GBE1: variants seen among roughly 807,000 people sequenced by gnomAD.
GBE1 encodes 1,4-alpha-glucan-branching enzyme.
In GBE1, 70 loss-of-function variants were observed where a neutral mutation model predicts 88.8. The ratio of observed to expected loss-of-function variants is 0.79; its 90% confidence interval spans 0.65 to 0.96. The LOEUF (loss-of-function observed/expected upper bound fraction) is 0.96. Ranked by LOEUF, GBE1 falls within the 40% of genes least tolerant of loss-of-function variation. The probability of loss-of-function intolerance (pLI) is 0.00; values close to 1 mark genes in which losing one functional copy is unlikely to be tolerated. For synonymous variants in GBE1, 284 were observed against 300.1 expected (o/e 0.95, Z 0.56); for missense variants, 872 against 871.0 (o/e 1.00, Z -0.01).
At chr3:81,710,495 T>G (rs979305039) in intron 1 of GBE1, among the ~76,000 whole-genome samples, 10 of 152,048 alleles carry the variant, frequency 6.6e-5, no homozygotes, top group Admixed American at 1.3e-4. Context: ...GTAGCTGATA[T>G]TAGCTTTATT....
intron 3 of GBE1, among the ~76,000 whole-genome samples, chr3:81,664,488 A>G (rs1705082591): frequency 6.6e-6 from 1 of 151,834 alleles, no homozygotes; most frequent in Non-Finnish European, 1.5e-5. Context: ...CAAATAGTAC[A>G]GATATGTCCA....
At chr3:81,720,102 T>C (rs887591033) in intron 1 of GBE1, among the ~76,000 whole-genome samples, 10 of 151,992 alleles carry the variant, frequency 6.6e-5, no homozygotes, top group Non-Finnish European at 1.3e-4. Context: ...ATATCAAAGA[T>C]CTATCAAACA....
In GBE1 at chr3:81,750,601, GTGTATA is replaced by G. The variant is rs1559708624; in HGVS notation, c.143+10768_143+10773del. ...CGTATATATATACGTATATATATAT[GTGTATA>G]TATATATATGTATATATATATACGT... On this transcript the variant is annotated intron_variant, in intron 1 of 15. Transcript: ENST00000429644. Among the ~76,000 whole-genome samples, 40 of 35,794 alleles carry G rather than the reference GTGTATA, an allele frequency of 1.1e-3. 3 individuals carry two copies. Among genetic ancestry groups the G allele is most frequent in the Admixed American group, 1.9e-3 (5 of 2,688 alleles). 23.5% of individuals were successfully genotyped at this position (35,794 alleles called of 152,430 possible).
At chr3:81,531,688 G>A (rs1423608951) in intron 14 of GBE1, among the ~76,000 whole-genome samples, 1 of 152,002 alleles carries the variant, frequency 6.6e-6, no homozygotes, top group East Asian at 2.0e-4. Flanking sequence ...CTGTGGCTGA[G>A]CTGGTATCCG....
At chr3:81,761,233 C>T in intron 1 of GBE1, 142 bp downstream of exon 1, 8 of 1,096,658 alleles carry the variant, frequency 7.3e-6, no homozygotes, top group Non-Finnish European at 1.0e-5. Flanking sequence ...TTACCCGAGT[C>T]ACCCCGAGCC....
chr3:81,694,477 A>G (rs577241121), intron 2 of GBE1, among the ~76,000 whole-genome samples: 1 of 152,294 alleles, frequency 6.6e-6, no homozygotes, highest in Admixed American at 6.5e-5. Flanking sequence ...AAGAGTGGGC[A>G]AAGGAGGAGG....
intron 7 of GBE1, among the ~76,000 whole-genome samples, chr3:81,616,837 T>C (rs1704254193): frequency 6.6e-6 from 1 of 152,106 alleles, no homozygotes; most frequent in South Asian, 2.1e-4. Context: ...AGTATGCATC[T>C]CCATTTATTT....
chr3:81,583,400 T>C (rs1328309588), intron 10 of GBE1, among the ~76,000 whole-genome samples: 1 of 152,154 alleles, frequency 6.6e-6, no homozygotes, highest in Non-Finnish European at 1.5e-5. Context: ...AAAACTTATG[T>C]TGATAAAAAA....
chr3:81,533,032 A>T (rs972243063), intron 14 of GBE1, among the ~76,000 whole-genome samples: 1 of 151,766 alleles, frequency 6.6e-6, no homozygotes, highest in Non-Finnish European at 1.5e-5. Context: ...TTGCATTAAG[A>T]CTTACGTCGC....
intron 7 of GBE1, among the ~76,000 whole-genome samples, chr3:81,620,339 C>T (rs1008006866): frequency 3.9e-5 from 6 of 151,912 alleles, no homozygotes; most frequent in South Asian, 2.1e-4. Flanking sequence ...CCTGCCACCA[C>T]GCCCGGCCAT....
At chr3:81,722,879 C>CGTGT (rs368999331) in intron 1 of GBE1, among the ~76,000 whole-genome samples, 23 of 142,748 alleles carry the variant, frequency 1.6e-4, no homozygotes, top group African/African-American at 4.9e-4. Flanking sequence ...GGCACACACA[C>CGTGT]GTGTGTGTGT....
chr3:81,549,190 G>A (rs988951696), intron 12 of GBE1, among the ~76,000 whole-genome samples: 4 of 150,622 alleles, frequency 2.7e-5, no homozygotes, highest in Admixed American at 6.6e-5. Context: ...CCACCATGCC[G>A]AGCTAATTGT....
At chr3:81,663,644 G>A (rs1008024256) in intron 3 of GBE1, among the ~76,000 whole-genome samples, 2 of 152,272 alleles carry the variant, frequency 1.3e-5, no homozygotes, top group Non-Finnish European at 2.9e-5. Flanking sequence ...TTGTGACAGG[G>A]CAGAGGGTCT....
chr3:81,566,658 A>T (rs1312357019), intron 12 of GBE1, among the ~76,000 whole-genome samples: 1 of 152,150 alleles, frequency 6.6e-6, no homozygotes, highest in Non-Finnish European at 1.5e-5. Context: ...AACATCTCTT[A>T]TTCCTTCCTC....
chr3:81,496,280 C>T (rs1438160003), intron 15 of GBE1, among the ~76,000 whole-genome samples: 1 of 152,190 alleles, frequency 6.6e-6, no homozygotes, highest in Non-Finnish European at 1.5e-5. Flanking sequence ...ATGCAGTTAT[C>T]CCCAGCTTCA....
intron 1 of GBE1, among the ~76,000 whole-genome samples, chr3:81,737,397 ATATATTTT>A (rs1468095281): frequency 6.2e-5 from 2 of 32,106 alleles, no homozygotes; most frequent in Admixed American, 2.7e-4. Context: ...ATTTATATAA[ATATATTTT>A]TATATATTTA....
chr3:81,629,986 G>A (rs189266175), intron 7 of GBE1, among the ~76,000 whole-genome samples: 38 of 151,754 alleles, frequency 2.5e-4, no homozygotes, highest in African/African-American at 8.2e-4. Flanking sequence ...TTGTCCTTGC[G>A]ACAGTTTACT....
intron 10 of GBE1, among the ~76,000 whole-genome samples, chr3:81,585,504 T>C (rs1703790837): frequency 6.6e-6 from 1 of 151,796 alleles, no homozygotes; most frequent in South Asian, 2.1e-4. Context: ...TAGGCAAACA[T>C]TAAATGAAAA....
chr3:81,631,078 C>A lies in GBE1; in HGVS notation c.992+11703G>T, dbSNP rs112912743. Among the ~76,000 whole-genome samples the A allele has an allele frequency of 1.0e-3, 156 of 152,100 alleles. 2 individuals are homozygous for A. The highest frequency in any genetic ancestry group is 3.6e-3 in the African/African-American group (150 of 41,494). ...AATTAGCCAGGCATGGTGGCATTTG[C>A]CATTGGTCCTAGCTACTCAGTAGGC... On this transcript the variant is annotated intron_variant, in intron 7 of 15. Coordinates refer to ENST00000429644, the MANE Select transcript of GBE1 (RefSeq NM_000158.4).
Sources: allele counts gnomAD v4.1 joint callset (sites outside exome capture counted in the v4.1 genomes callset), GRCh38; gene constraint gnomAD v4.1.1; transcripts MANE v1.5; gene names NCBI Gene and HGNC (gene_info 2026-07-23, HGNC 2026-07-21).